The following OSMR variants were observed in gnomAD, a reference collection of about 807,000 sequenced individuals.
OSMR encodes the protein oncostatin M receptor, also known as oncostatin-M-specific receptor subunit beta.
Under a neutral mutation model 99.9 loss-of-function variants are expected in OSMR, and 81 were observed. That is an observed-to-expected ratio of 0.81 (90% confidence interval 0.68 to 0.97). The LOEUF (loss-of-function observed/expected upper bound fraction) is 0.97. Among genes scored for constraint, OSMR ranks in the 50% least tolerant of loss-of-function variants. The pLI is 0.00. For synonymous variants in OSMR, 406 were observed against 410.4 expected (o/e 0.99, Z 0.13); for missense variants, 1,099 against 1,153.4 (o/e 0.95, Z 0.68).
chr5:38,860,523 A>G (rs908846693), intron 1 of OSMR, among the ~76,000 whole-genome samples: 1 of 151,714 alleles, frequency 6.6e-6, no homozygotes, highest in Admixed American at 6.6e-5. Flanking sequence ...ATTGGCCTAT[A>G]TTTTTCTTTT....
chr5:38,863,218 AGGGG>A (rs1579646618), intron 1 of OSMR, among the ~76,000 whole-genome samples: 1 of 13,636 alleles, frequency 7.3e-5, no homozygotes, highest in Non-Finnish European at 1.7e-4. Context: ...GGGGAGGGGG[AGGGG>A]GAGAGATGAT....
downstream of OSMR, chr5:38,939,992 A>AAAT (rs947044515): frequency 1.7e-4 from 39 of 228,594 alleles, no homozygotes; most frequent in African/African-American, 7.8e-4. Context: ...TGGAGAAACC[A>AAAT]AATAGCACTA....
chr5:38,884,375 C>T (rs1743540774), intron 5 of OSMR, among the ~76,000 whole-genome samples: 1 of 152,156 alleles, frequency 6.6e-6, no homozygotes, highest in African/African-American at 2.4e-5. Flanking sequence ...ACCTGGACCA[C>T]TGGGAAAATA....
In OSMR at chr5:38,923,237, G is replaced by C. The variant is rs63750560; in HGVS notation, c.1853G>C (p.Gly618Ala). 1.3e-6 allele frequency: 2 copies of C among 1,597,384 alleles called. No homozygotes were observed. The highest frequency in any genetic ancestry group is 1.7e-6 in the Non-Finnish European group (2 of 1,164,966). The change falls in exon 13 of 18, where the codon GGA (glycine) becomes GCA (alanine). Residue 618 changes from glycine (G) to alanine (A), a missense_variant. Gly to Ala is a moderately conservative substitution (Grantham distance 60). Coordinates refer to ENST00000274276, the MANE Select transcript of OSMR (RefSeq NM_003999.3). The stretch of plus-strand genomic sequence containing the variant: ...GCTTGTTTATTAGAGAAAAAAACAG[G>C]ATACTCTCAGGAACTTGGTAAGTTT... ...RIACLLEKKT[G>A]YSQELAPSDN...
chr5:38,865,320 G>A (rs1316195302), intron 1 of OSMR, among the ~76,000 whole-genome samples: 1 of 152,034 alleles, frequency 6.6e-6, no homozygotes, highest in East Asian at 1.9e-4. Flanking sequence ...TGTTTCTTGT[G>A]TCCTTACATT....
intron 1 of OSMR, chr5:38,941,654 T>C (rs552002604): frequency 1.0e-4 from 24 of 232,382 alleles, no homozygotes; most frequent in African/African-American, 4.8e-4. Context: ...AAATGAAGAG[T>C]TGGAAAACAA....
chr5:38,884,592 G>T (rs1406399218), intron 5 of OSMR, among the ~76,000 whole-genome samples: 2 of 152,184 alleles, frequency 1.3e-5, no homozygotes, highest in Non-Finnish European at 2.9e-5. Flanking sequence ...GACAGTGATG[G>T]TGATTGTGAG....
At chr5:38,873,882 G>A (rs114019147) in intron 2 of OSMR, among the ~76,000 whole-genome samples, 244 of 151,974 alleles carry the variant, frequency 1.6e-3, no homozygotes, top group African/African-American at 5.6e-3. Flanking sequence ...TGCCCAGGTG[G>A]AGTGCAGTGG....
chr5:38,853,307 G>C (rs1014450788), intron 1 of OSMR, among the ~76,000 whole-genome samples: 1 of 152,194 alleles, frequency 6.6e-6, no homozygotes, highest in Non-Finnish European at 1.5e-5. Context: ...TGGGTTTGCT[G>C]TATGTAGGTT....
Position 38,917,535 on chromosome 5 carries a change from G to C in OSMR, c.1286-11G>C. On this transcript the variant is annotated splice_polypyrimidine_tract_variant and intron_variant, in intron 9 of 17. Coordinates refer to ENST00000274276, the MANE Select transcript of OSMR (RefSeq NM_003999.3). ...ATTGTGACTCAAGAACTTTTCTTTG[G>C]TTAATTTCAGCTCCCTCAGAGGCCC... 6.2e-7 allele frequency: 1 copy of C among 1,612,812 alleles called. No homozygotes were observed. The highest frequency in any genetic ancestry group is 1.3e-5 in the African/African-American group (1 of 74,996).
intron 4 of OSMR, among the ~76,000 whole-genome samples, chr5:38,882,234 T>C (rs554113453): frequency 6.6e-6 from 1 of 152,234 alleles, no homozygotes; most frequent in South Asian, 2.1e-4. Flanking sequence ...AGAGCAGCCA[T>C]AGATAGTGTG....
intron 16 of OSMR, 63 bp from the exon 17 acceptor site, chr5:38,932,400 T>G: frequency 1.7e-6 from 2 of 1,175,308 alleles, no homozygotes; most frequent in Non-Finnish European, 2.6e-6. Context: ...GACTCCAGAG[T>G]TCTTGCTCTT....
intron 3 of OSMR, among the ~76,000 whole-genome samples, chr5:38,879,344 A>C (rs1743079747): frequency 6.6e-6 from 1 of 152,180 alleles, no homozygotes; most frequent in South Asian, 2.1e-4. Flanking sequence ...TTGTTTTTTT[A>C]TCCCAAGGGC....
At chr5:38,894,847 A>G (rs939405656) in intron 7 of OSMR, among the ~76,000 whole-genome samples, 3 of 152,108 alleles carry the variant, frequency 2.0e-5, no homozygotes, top group Non-Finnish European at 4.4e-5. Context: ...TCAACACTGG[A>G]CAAATTGGGC....
In OSMR at chr5:38,903,949, G is replaced by C. The variant is rs1343932584; in HGVS notation, c.1059G>C (p.Trp353Cys). ...ATGCCACAAATGCCATCATGACCTG[G>C]AAGGTGCACTCCATAAGGAATAATT... is the stretch of plus-strand genomic sequence containing the variant. ...NVNATNAIMTWKVHSIRNNFT... is the reference protein window; with the variant it reads ...NVNATNAIMTCKVHSIRNNFT... Residue 353 changes from tryptophan (W) to cysteine (C), a missense_variant, in exon 8 of 18, where the codon TGG becomes TGC. Trp to Cys is a radical substitution (Grantham distance 215). Transcript: ENST00000274276. 1.9e-6 allele frequency: 3 copies of C among 1,613,832 alleles called. No individual in the cohort carries two copies. Among genetic ancestry groups the C allele is most frequent in the South Asian group, 2.2e-5 (2 of 91,050 alleles).
chr5:38,904,404 CCT>C lies in OSMR; in HGVS notation c.1187_1188del (p.Pro396ArgfsTer12). 6.2e-7 allele frequency: 1 copy of C among 1,614,112 alleles called. No homozygotes were observed. The highest frequency in any genetic ancestry group is 8.5e-7 in the Non-Finnish European group (1 of 1,180,032). On this transcript the variant is annotated frameshift_variant, in exon 9 of 18. Transcript: ENST00000274276. LOFTEE classifies it high-confidence loss of function. ...TGAGTACTTCTTAAGTGAACTGGAACCTGCCACAGAGTACATGGCGCGAGTAC... is the reference window on the plus strand; with the variant it reads ...TGAGTACTTCTTAAGTGAACTGGAACGCCACAGAGTACATGGCGCGAGTAC... Reference protein sequence around the residue: ...NGEYFLSELEPATEYMARVRC... With the variant: ...NGEYFLSELEXATEYMARVRC...
intron 9 of OSMR, among the ~76,000 whole-genome samples, chr5:38,909,581 C>T (rs1745445551): frequency 6.6e-6 from 1 of 152,184 alleles, no homozygotes; most frequent in African/African-American, 2.4e-5. Flanking sequence ...CTGTACTGAA[C>T]ATTCTTAAAA....
downstream of OSMR, chr5:38,939,221 C>A (rs187837263): frequency 4.3e-6 from 1 of 232,856 alleles, no homozygotes. Context: ...CATTGATATC[C>A]CACTGCTGAA....
chr5:38,942,612 G>A (rs1436036892), intron 1 of OSMR, among the ~76,000 whole-genome samples: 1 of 148,498 alleles, frequency 6.7e-6, no homozygotes, highest in African/African-American at 2.5e-5. Context: ...CACCAACCTC[G>A]GCTAATTAAA....
Sources: gnomAD v4.1 joint callset for allele counts (sites outside exome capture counted in the v4.1 genomes callset) on GRCh38, gnomAD v4.1.1 for gene constraint, MANE v1.5 for transcripts, NCBI Gene and HGNC (gene_info 2026-07-23, HGNC 2026-07-21) for gene names.